The following SERPINB10 variants were observed in gnomAD, a reference collection of about 807,000 sequenced individuals.
SERPINB10 encodes the protein serpin family B member 10.
In SERPINB10, 35 loss-of-function variants were observed where a neutral mutation model predicts 39.1. The observed-to-expected ratio is 0.90, with a 90% CI of 0.68 to 1.19. The LOEUF is 1.19. Among genes scored for constraint, SERPINB10 ranks in the 50% most tolerant of loss-of-function variants. The pLI is 0.00. For synonymous variants in SERPINB10, 190 were observed against 158.1 expected (o/e 1.20, Z -1.52); for missense variants, 546 against 460.5 (o/e 1.19, Z -1.70).
In SERPINB10 at chr18:63,933,084, A is replaced by G. The variant is rs1267424490; in HGVS notation, c.670A>G (p.Lys224Glu). 1.9e-6 allele frequency: 3 copies of G among 1,613,882 alleles called. No individual in the cohort carries two copies. Among genetic ancestry groups the G allele is most frequent in the Non-Finnish European group, 2.5e-6 (3 of 1,179,962 alleles). ...SKPVQMMFMK[K>E]KLHIFHIEKP... ...ACCAGTGCAAATGATGTTTATGAAG[A>G]AAAAGCTTCACATTTTTCACATAGA... The change falls in exon 7 of 8, where the codon AAA becomes GAA. Residue 224 changes from lysine to glutamate, a missense_variant. Lys to Glu is a moderately conservative substitution (Grantham distance 56). Coordinates refer to ENST00000238508, the MANE Select transcript of SERPINB10 (RefSeq NM_005024.3).
intron 5 of SERPINB10, among the ~76,000 whole-genome samples, chr18:63,921,643 T>C (rs2050147420): frequency 6.6e-6 from 1 of 151,934 alleles, no homozygotes; most frequent in South Asian, 2.1e-4. Context: ...CTGCCTAGAA[T>C]ACAAATTAGA....
In SERPINB10 at chr18:63,933,036, TG is replaced by T. The variant is rs1430597061; in HGVS notation, c.634-11del. 12 of 1,605,258 alleles carry T rather than the reference TG, an allele frequency of 7.5e-6. No individual in the cohort carries two copies. Among genetic ancestry groups the T allele is most frequent in the Non-Finnish European group, 1.0e-5 (12 of 1,177,664 alleles). On this transcript the variant is annotated splice_polypyrimidine_tract_variant and intron_variant, in intron 6 of 7. Coordinates refer to ENST00000238508, the MANE Select transcript of SERPINB10 (RefSeq NM_005024.3). The stretch of plus-strand genomic sequence containing the variant: ...CTTGTTACCTGTTTTTTTGTTTTTT[TG>T]TTTTTTTTAGACTACAAGCAAACCA...
At chr18:63,910,707 C>T (rs2050058098) in intron 1 of SERPINB10, among the ~76,000 whole-genome samples, 1 of 151,962 alleles carries the variant, frequency 6.6e-6, no homozygotes, top group African/African-American at 2.4e-5. Context: ...CACTGATAGG[C>T]ACCTAGGTTG....
intron 5 of SERPINB10, among the ~76,000 whole-genome samples, chr18:63,927,093 A>T (rs2050186973): frequency 6.6e-6 from 1 of 151,852 alleles, no homozygotes; most frequent in African/African-American, 2.4e-5. Context: ...ATAATATCTC[A>T]TCTAATTTTT....
rs1273951956 is a variant in SERPINB10 at position 63,917,975 on chromosome 18, T to A, written c.245T>A (p.Leu82Ter). 1 of 1,611,782 alleles carries A rather than the reference T, an allele frequency of 6.2e-7. No individual in the cohort carries two copies. The highest frequency in any genetic ancestry group is 1.7e-5 in the Admixed American group (1 of 59,774). The change falls in exon 4 of 8, where the codon TTG (leucine) becomes TAG (stop). Residue 82 changes from leucine (L) to a stop codon, truncating the protein, a stop_gained. Coordinates refer to ENST00000238508, the MANE Select transcript of SERPINB10 (RefSeq NM_005024.3). LOFTEE classifies it high-confidence loss of function. ...SEKKRKMEFN[L>*]SNSEEIHSDF... is the part of the protein sequence containing the mutation. The stretch of plus-strand genomic sequence containing the variant: ...CCTTCTCTTTTAAAGGAATTCAACT[T>A]GAGCAACTCGGAAGAAATACACTCT...
chr18:63,930,691 A>C, intron 6 of SERPINB10, among the ~76,000 whole-genome samples: 1 of 152,174 alleles, frequency 6.6e-6, no homozygotes, highest in Admixed American at 6.5e-5. Context: ...ATTGGAAACA[A>C]GGACTTAAAT....
At chr18:63,923,058 A>C (rs2050157400) in intron 5 of SERPINB10, among the ~76,000 whole-genome samples, 1 of 151,916 alleles carries the variant, frequency 6.6e-6, no homozygotes, top group African/African-American at 2.4e-5. Context: ...ACTTTAAAAA[A>C]TTCTCTGTTA....
rs1230723940 is a variant in SERPINB10 at position 63,934,802 on chromosome 18, T to A, written c.790-36T>A. The A allele has an allele frequency of 3.8e-6, 6 of 1,559,362 alleles. No homozygotes were observed. In the African/African-American group the frequency reaches 5.5e-5, roughly 14 times the overall value. ...TACTGTTTTTCATTCCACTTTGGAA[T>A]TACTGATTCTTTCTTTCTTGGTTCC... On this transcript the variant is annotated intron_variant, in intron 7 of 7. Coordinates refer to ENST00000238508, the MANE Select transcript of SERPINB10 (RefSeq NM_005024.3).
chr18:63,914,894 T>C (rs7241748), intron 1 of SERPINB10, among the ~76,000 whole-genome samples: 56,558 of 151,930 alleles, frequency 0.37, 14,051 homozygotes, highest in African/African-American at 0.7. Flanking sequence ...TCCAGAAGAC[T>C]AGTTTCAGAG....
chr18:63,925,180 G>A (rs1476205656), intron 5 of SERPINB10, among the ~76,000 whole-genome samples: 1 of 151,992 alleles, frequency 6.6e-6, no homozygotes, highest in African/African-American at 2.4e-5. Flanking sequence ...GATTGGAAGT[G>A]AAAGTATCAA....
intron 3 of SERPINB10, 89 bp downstream of exon 3, chr18:63,917,610 G>A: frequency 2.8e-6 from 2 of 724,070 alleles, no homozygotes; most frequent in South Asian, 5.0e-5. Context: ...GCAACTTTTA[G>A]CAGGTAATTT....
chr18:63,921,817 T>C (rs1320136769), intron 5 of SERPINB10, among the ~76,000 whole-genome samples: 1 of 151,908 alleles, frequency 6.6e-6, no homozygotes, highest in Non-Finnish European at 1.5e-5. Context: ...TTAAAATTTA[T>C]ATTTCAGGGA....
At chr18:63,915,094 G>A (rs541390917) in intron 1 of SERPINB10, among the ~76,000 whole-genome samples, 121 of 152,132 alleles carry the variant, frequency 8.0e-4, no homozygotes, top group African/African-American at 2.8e-3. Context: ...TCCTTAGCTA[G>A]GTGCTGTTGG....
At chr18:63,908,193 A>C (rs187190392) in intron 1 of SERPINB10, among the ~76,000 whole-genome samples, 153 bp downstream of exon 1, 1 of 152,184 alleles carries the variant, frequency 6.6e-6, no homozygotes, top group Admixed American at 6.5e-5. Context: ...TGTCTGTATA[A>C]GTCAGAGAGT....
At chr18:63,910,241 C>T (rs1468416326) in intron 1 of SERPINB10, among the ~76,000 whole-genome samples, 1 of 152,004 alleles carries the variant, frequency 6.6e-6, no homozygotes, top group Non-Finnish European at 1.5e-5. Context: ...CCTAACTCTA[C>T]ACAACTTTGG....
chr18:63,928,941 T>C (rs1012003633), intron 5 of SERPINB10, among the ~76,000 whole-genome samples: 1 of 152,136 alleles, frequency 6.6e-6, no homozygotes, highest in African/African-American at 2.4e-5. Flanking sequence ...GAGATTTCAA[T>C]TTCGGTGGCC....
chr18:63,934,913 C>G lies in SERPINB10; in HGVS notation c.865C>G (p.Leu289Val). ...CATGATGGAGTTGTATGAAGTGCAG[C>G]TACACCTTCCCAAGTTCAAGCTGGA... Reference protein sequence around the residue: ...ADMMELYEVQLHLPKFKLEDS... With the variant: ...ADMMELYEVQVHLPKFKLEDS... Residue 289 changes from leucine to valine, a missense_variant, in exon 8 of 8, where the codon CTA becomes GTA. By Grantham distance (32) the Leu-to-Val change is conservative. Transcript: ENST00000238508. The G allele has an allele frequency of 6.2e-7, 1 of 1,614,200 alleles. No individual in the cohort carries two copies. Among genetic ancestry groups the G allele is most frequent in the Non-Finnish European group, 8.5e-7 (1 of 1,180,016 alleles).
At chr18:63,924,153 GT>G (rs2050164668) in intron 5 of SERPINB10, among the ~76,000 whole-genome samples, 1 of 151,968 alleles carries the variant, frequency 6.6e-6, no homozygotes, top group Non-Finnish European at 1.5e-5. Context: ...TTTTCTGTGT[GT>G]CTTTTTGTTT....
At chr18:63,930,701 T>G (rs1458432112) in intron 6 of SERPINB10, among the ~76,000 whole-genome samples, 1 of 152,134 alleles carries the variant, frequency 6.6e-6, no homozygotes, top group African/African-American at 2.4e-5. Context: ...AGGACTTAAA[T>G]GTTGTCAGGA....
Sources: gnomAD v4.1 joint callset for allele counts (sites outside exome capture counted in the v4.1 genomes callset) on GRCh38, gnomAD v4.1.1 for gene constraint, MANE v1.5 for transcripts, NCBI Gene and HGNC (gene_info 2026-07-23, HGNC 2026-07-21) for gene names.